The following UHRF2 variants were observed in gnomAD, a reference collection of about 807,000 sequenced individuals.
The protein encoded by UHRF2 is E3 ubiquitin-protein ligase UHRF2.
A neutral mutation model predicts 96.8 loss-of-function variants in UHRF2; 23 were observed. The ratio of observed to expected loss-of-function variants is 0.24; its 90% CI spans 0.17 to 0.34. The LOEUF (loss-of-function observed/expected upper bound fraction) is 0.34, where lower values mean the gene tolerates loss of function less well. Among genes scored for constraint, UHRF2 ranks in the 10% least tolerant of loss-of-function variants. UHRF2 has a pLI of 1.00. For missense variants in UHRF2, 685 were observed against 981.5 expected (o/e 0.70, Z 4.04); for synonymous variants, 385 against 332.6 (o/e 1.16, Z -1.72).
intron 9 of UHRF2, 92 bp downstream of exon 9, chr9:6,487,017 G>A: frequency 8.5e-7 from 1 of 1,173,640 alleles, no homozygotes; most frequent in Non-Finnish European, 1.2e-6. Flanking sequence ...ATACTGTTGT[G>A]TCTTTTTAGC....
chr9:6,476,016 C>G (rs1823548302), intron 5 of UHRF2, among the ~76,000 whole-genome samples: 1 of 152,096 alleles, frequency 6.6e-6, no homozygotes, highest in South Asian at 2.1e-4. Context: ...TATAGCCAAC[C>G]CTTCTTTATC....
At chr9:6,459,197 C>A (rs1395800766) in intron 3 of UHRF2, among the ~76,000 whole-genome samples, 1 of 152,034 alleles carries the variant, frequency 6.6e-6, no homozygotes. Flanking sequence ...GCACAGGTAT[C>A]CAAGAACTTA....
At chr9:6,501,250 A>T (rs1365113370) in intron 14 of UHRF2, among the ~76,000 whole-genome samples, 1 of 152,222 alleles carries the variant, frequency 6.6e-6, no homozygotes. Context: ...GTGTTTTGCA[A>T]ACAAGCCCTT....
At chr9:6,476,482 T>A (rs998798982) in intron 5 of UHRF2, among the ~76,000 whole-genome samples, 1 of 152,214 alleles carries the variant, frequency 6.6e-6, no homozygotes, top group Admixed American at 6.5e-5. Context: ...AAGGTTAGAA[T>A]GCAGCTGTAC....
intron 4 of UHRF2, among the ~76,000 whole-genome samples, chr9:6,471,716 C>A (rs1420325514): frequency 6.6e-6 from 1 of 152,170 alleles, no homozygotes; most frequent in Non-Finnish European, 1.5e-5. Context: ...ATTCCTGACC[C>A]ACCCCCATAT....
At chr9:6,433,874 C>CA (rs746414268) in intron 2 of UHRF2, 40 bp from the exon 3 acceptor site, 3 of 1,576,594 alleles carry the variant, frequency 1.9e-6, no homozygotes, top group Admixed American at 1.8e-5. Context: ...AAGCAGTAGA[C>CA]AAAATTAAGC....
intron 3 of UHRF2, among the ~76,000 whole-genome samples, chr9:6,457,832 G>A (rs759503909): frequency 2.0e-5 from 3 of 152,192 alleles, no homozygotes; most frequent in African/African-American, 7.2e-5. Flanking sequence ...TGTTGAACCA[G>A]CCTTGCATCC....
Position 6,499,902 on chromosome 9 carries a change from G to C in UHRF2, c.1976G>C (p.Ser659Thr), listed in dbSNP as rs776960027. The change falls in exon 13 of 16, where the codon AGT (serine) becomes ACT (threonine). Residue 659 changes from serine (S) to threonine (T), a missense_variant. By Grantham distance (58) the Ser-to-Thr change is moderately conservative. Around this residue, in one of 6 missense-constraint regions of UHRF2, gnomAD observed 99 missense variants for 73.5 expected, o/e 1.35. Coordinates refer to ENST00000276893, the MANE Select transcript of UHRF2 (RefSeq NM_152896.3). ...AAAGGACAGTCAAAGAAGCAGCCCA[G>C]TGGAACCACAAAAAGGCCAATTTCA... ...KPKGQSKKQPSGTTKRPISDD... is the reference protein window; with the variant it reads ...KPKGQSKKQPTGTTKRPISDD... 2 of 1,611,530 alleles carry C rather than the reference G, an allele frequency of 1.2e-6. No homozygotes were observed. The highest frequency in any genetic ancestry group is 2.2e-5 in the East Asian group (1 of 44,726).
intron 9 of UHRF2, among the ~76,000 whole-genome samples, chr9:6,489,663 A>G (rs561898151): frequency 6.7e-6 from 1 of 149,432 alleles, no homozygotes; most frequent in African/African-American, 2.5e-5. Context: ...CTTATTTGCC[A>G]TCTGTATAGC....
chr9:6,479,132 C>G (rs1226042331), intron 6 of UHRF2, among the ~76,000 whole-genome samples: 1 of 152,104 alleles, frequency 6.6e-6, no homozygotes, highest in Non-Finnish European at 1.5e-5. Context: ...CCCATTTCTC[C>G]CACTGGCTGC....
At chr9:6,445,909 A>C (rs1252253066) in intron 3 of UHRF2, among the ~76,000 whole-genome samples, 9 of 151,098 alleles carry the variant, frequency 6.0e-5, no homozygotes, top group African/African-American at 2.2e-4. Context: ...AATGGTATAA[A>C]ACTTTTTGCT....
chr9:6,464,014 A>T (rs958420630), intron 4 of UHRF2, among the ~76,000 whole-genome samples: 1 of 152,146 alleles, frequency 6.6e-6, no homozygotes, highest in Non-Finnish European at 1.5e-5. Flanking sequence ...TGCATCTTCA[A>T]CTTGAGTAGA....
At chr9:6,447,289 A>G (rs1464210654) in intron 3 of UHRF2, among the ~76,000 whole-genome samples, 2 of 152,198 alleles carry the variant, frequency 1.3e-5, no homozygotes, top group South Asian at 2.1e-4. Flanking sequence ...ACCTTTTTAT[A>G]TAAAAGCACA....
intron 14 of UHRF2, among the ~76,000 whole-genome samples, chr9:6,501,390 A>G (rs967696803): frequency 6.6e-6 from 1 of 152,140 alleles, no homozygotes; most frequent in African/African-American, 2.4e-5. Flanking sequence ...GTCATTTATA[A>G]TACAATTACT....
At chr9:6,431,249 T>C (rs565656152) in intron 2 of UHRF2, among the ~76,000 whole-genome samples, 2 of 152,336 alleles carry the variant, frequency 1.3e-5, no homozygotes, top group South Asian at 4.1e-4. Flanking sequence ...CCAGTTTATG[T>C]GCATTTCTGT....
chr9:6,484,148 G>A (rs1255081936), intron 8 of UHRF2, among the ~76,000 whole-genome samples: 1 of 150,590 alleles, frequency 6.6e-6, no homozygotes, highest in African/African-American at 2.4e-5. Context: ...ACAGCTCACT[G>A]TAACTTCAGA....
intron 15 of UHRF2, among the ~76,000 whole-genome samples, chr9:6,505,530 A>G (rs1192990900): frequency 6.6e-6 from 1 of 152,152 alleles, no homozygotes; most frequent in Non-Finnish European, 1.5e-5. Context: ...TGCCTGACCT[A>G]AGGTGATCCA....
chr9:6,459,770 C>G (rs894728162), intron 3 of UHRF2, among the ~76,000 whole-genome samples: 6 of 152,198 alleles, frequency 3.9e-5, no homozygotes, highest in African/African-American at 1.4e-4. Context: ...GCCAGGAGTT[C>G]TAAACCAGCG....
chr9:6,453,498 C>G (rs919365274), intron 3 of UHRF2, among the ~76,000 whole-genome samples: 20 of 152,220 alleles, frequency 1.3e-4, no homozygotes, highest in African/African-American at 4.8e-4. Context: ...GAATTTACAA[C>G]TGTGGAATTA....
Sources: gnomAD v4.1 joint callset for allele counts (sites outside exome capture counted in the v4.1 genomes callset) on GRCh38, gnomAD v4.1.1 for gene constraint, gnomAD v4.1.1 regional missense constraint, MANE v1.5 for transcripts, NCBI Gene and HGNC (gene_info 2026-07-23, HGNC 2026-07-21) for gene names.